ITGA2B: variants seen among roughly 807,000 people sequenced by gnomAD.
ITGA2B encodes the protein integrin alpha-IIb.
In ITGA2B, 91 loss-of-function variants were observed where a neutral mutation model predicts 142.0. That is an observed-to-expected ratio of 0.64 (90% CI 0.54 to 0.76). ITGA2B has a LOEUF of 0.76. ITGA2B is among the 30% of genes least tolerant of loss of function. The pLI is 0.00. For synonymous variants in ITGA2B, 536 were observed against 567.2 expected (o/e 0.94, Z 0.78); for missense variants, 1,231 against 1,350.8 (o/e 0.91, Z 1.39).
intron 18 of ITGA2B, 126 bp from the exon 19 acceptor site, chr17:44,378,836 A>C: frequency 1.2e-6 from 1 of 801,366 alleles, no homozygotes; most frequent in Non-Finnish European, 2.1e-6. Context: ...AGATCTGAGG[A>C]CGAAAAGGAG....
rs760338159 is a variant in ITGA2B at position 44,374,727 on chromosome 17, C to A, written c.2875G>T (p.Ala959Ser). 8.1e-6 allele frequency: 13 copies of A among 1,613,920 alleles called. No individual in the cohort carries two copies. The highest frequency in any genetic ancestry group is 1.0e-5 in the Non-Finnish European group (12 of 1,180,010). The change falls in exon 28 of 30, where the codon GCA becomes TCA. Residue 959 changes from alanine (A) to serine (S), a missense_variant. Physicochemically the swap from Ala to Ser is moderately conservative, Grantham distance 99. Coordinates refer to ENST00000262407, the MANE Select transcript of ITGA2B (RefSeq NM_000419.5). ...GGGAGGGAGGACACGTTGAACCATGCGTGCGACTGCAGCACAAACTGATCC... is the reference window on the plus strand; with the variant it reads ...GGGAGGGAGGACACGTTGAACCATGAGTGCGACTGCAGCACAAACTGATCC... ...PLDQFVLQSH[A>S]WFNVSSLPYA... is the part of the protein sequence containing the mutation.
At chr17:44,386,219 A>G in intron 1 of ITGA2B, 88 bp from the exon 2 acceptor site, 7 of 1,530,352 alleles carry the variant, frequency 4.6e-6, no homozygotes, top group Non-Finnish European at 6.1e-6. Flanking sequence ...CCGGAAGGCC[A>G]TGTGGCATGG....
chr17:44,375,152 A>C, intron 26 of ITGA2B, 41 bp from the exon 27 acceptor site: 1 of 1,494,874 alleles, frequency 6.7e-7, no homozygotes, highest in Non-Finnish European at 9.1e-7. Context: ...GTCCCGGCCC[A>C]TCACCCCATC....
At chr17:44,378,016 C>A (rs1187585062) in intron 20 of ITGA2B, among the ~76,000 whole-genome samples, 1 of 151,124 alleles carries the variant, frequency 6.6e-6, no homozygotes, top group South Asian at 2.1e-4. Context: ...TAGAGTATGA[C>A]CCCCATTATT....
chr17:44,383,125 G>C (rs930312743), intron 12 of ITGA2B, among the ~76,000 whole-genome samples: 1 of 151,984 alleles, frequency 6.6e-6, no homozygotes, highest in Admixed American at 6.6e-5. Flanking sequence ...CCTGCTGCAC[G>C]GCCTGAGTTC....
intron 7 of ITGA2B, 46 bp downstream of exon 7, chr17:44,384,902 G>T (rs2048630203): frequency 6.2e-7 from 1 of 1,613,070 alleles, no homozygotes; most frequent in South Asian, 1.1e-5. Flanking sequence ...CGTCTGCGGT[G>T]GGCGGTGACC....
At chr17:44,381,155 G>A in intron 12 of ITGA2B, 94 bp from the exon 13 acceptor site, 1 of 1,274,874 alleles carries the variant, frequency 7.8e-7, no homozygotes, top group East Asian at 2.5e-5. Flanking sequence ...AACATCCCAG[G>A]AGACTAGGAA....
Position 44,372,321 on chromosome 17 carries a change from T to G in ITGA2B, c.*43A>C, listed in dbSNP as rs1598374450. On this transcript the variant is annotated 3_prime_UTR_variant, in exon 30 of 30. Coordinates refer to ENST00000262407, the MANE Select transcript of ITGA2B (RefSeq NM_000419.5). ...CTTGTTGGAGAAGGGGCGGTGCAGG[T>G]AGCACGCCCAACCCTCCTGCTAGAA... 1 of 1,601,172 alleles carries G rather than the reference T, an allele frequency of 6.2e-7. No individual in the cohort carries two copies. Among genetic ancestry groups the G allele is most frequent in the Non-Finnish European group, 8.6e-7 (1 of 1,168,378 alleles).
In ITGA2B at chr17:44,376,903, G is replaced by C. The variant is rs556095280; in HGVS notation, c.2267+106C>G. 8.1e-4 allele frequency: 709 copies of C among 878,154 alleles called. 2 individuals are homozygous for C. The highest frequency in any genetic ancestry group is 2.0e-3 in the Admixed American group (98 of 50,056). The allele number at this position is 878,154 out of a possible 1,614,324, so 54.4% of individuals were successfully genotyped here. A position where few individuals can be genotyped will look rare whatever the true frequency, so the allele number is the denominator to read the frequency against. On this transcript the variant is annotated intron_variant, in intron 22 of 29. Transcript: ENST00000262407. Reference sequence around the variant, plus strand: ...GCTGGGATTACAGGTGTGAGCCACTGCGCCTGGCCTCGAAAGACCCTTCTG... The same window carrying C: ...GCTGGGATTACAGGTGTGAGCCACTCCGCCTGGCCTCGAAAGACCCTTCTG...
chr17:44,375,606 C>T lies in ITGA2B; in HGVS notation c.2712G>A (p.Gln904=). ...GCCTGCTCACTACGAGAACTGGATC[C>T]TGAAGCCTCGAGGGCTGCTCGGGCT... ...LPEPEQPSRL[Q]DPVLVSCDSA... is the part of the protein sequence containing the mutation. The change falls in exon 26 of 30, where the codon CAG becomes CAA. Residue 904 remains glutamine (Q), a synonymous_variant. Transcript: ENST00000262407. 1 of 1,614,092 alleles carries T rather than the reference C, an allele frequency of 6.2e-7. No homozygotes were observed. Among genetic ancestry groups the T allele is most frequent in the Non-Finnish European group, 8.5e-7 (1 of 1,180,014 alleles).
chr17:44,382,414 C>T (rs1042152602), intron 12 of ITGA2B, among the ~76,000 whole-genome samples: 1 of 152,084 alleles, frequency 6.6e-6, no homozygotes, highest in African/African-American at 2.4e-5. Flanking sequence ...TACCCCATTG[C>T]ATTCTGGCTT....
chr17:44,384,262 G>C, intron 9 of ITGA2B, 49 bp downstream of exon 9: 3 of 1,610,900 alleles, frequency 1.9e-6, no homozygotes, highest in Non-Finnish European at 2.5e-6. Context: ...TTGTCAGCCT[G>C]AGAACTGGGA....
At position 44,388,541 on chromosome 17, in the gene ITGA2B, C is replaced by T. The variant is rs553579534; in HGVS notation, c.188+745G>A. Among the ~76,000 whole-genome samples the T allele has an allele frequency of 6.2e-5, 9 of 144,924 alleles. No homozygotes were observed. In the South Asian group the frequency reaches 1.3e-3, roughly 22 times the overall value. On this transcript the variant is annotated intron_variant, in intron 1 of 29. Transcript: ENST00000262407. ...CCGGCTAATTTTTTTTTTTTTGAGA[C>T]GGAGTGTCACTCTGTCACCCAGGCT... is the stretch of plus-strand genomic sequence containing the variant.
At position 44,384,071 on chromosome 17, in the gene ITGA2B, G is replaced by A. The variant is rs2048621101; in HGVS notation, c.945+14C>T. 4 of 1,613,636 alleles carry A rather than the reference G, an allele frequency of 2.5e-6. No individual in the cohort carries two copies. In the East Asian group the frequency reaches 6.7e-5, roughly 27 times the overall value. ...CCCTCCACCCAGCCACGCCCACTGG[G>A]ACCTGGCCCCCACCTGCTCTCCGCG... On this transcript the variant is annotated intron_variant, in intron 10 of 29. Transcript: ENST00000262407.
intron 29 of ITGA2B, chr17:44,373,915 T>C (rs906938863): frequency 6.1e-5 from 6 of 97,978 alleles, no homozygotes; most frequent in Admixed American, 1.0e-4. Context: ...ATTTTTTTCT[T>C]TTTTTTTTGA....
chr17:44,375,708 C>T lies in ITGA2B; in HGVS notation c.2610G>A (p.Trp870Ter). ...QPPVNPLKVD[W>*]GLPIPSPSPI... ...GGGAGGGGCTGGGGATGGGCAGCCC[C>T]CAGTCCACCTGGGGGGGCAAAGGAG... The change falls in exon 26 of 30, where the codon TGG becomes TGA. Residue 870 changes from tryptophan (W) to a stop codon, truncating the protein, a stop_gained. Coordinates refer to ENST00000262407, the MANE Select transcript of ITGA2B (RefSeq NM_000419.5). LOFTEE classifies it high-confidence loss of function. The T allele has an allele frequency of 3.2e-6, 5 of 1,583,758 alleles. No homozygotes were observed. Among genetic ancestry groups the T allele is most frequent in the South Asian group, 1.1e-5 (1 of 87,504 alleles).
chr17:44,385,585 G>A lies in ITGA2B; in HGVS notation c.540C>T (p.Asn180=), dbSNP rs2048640206. Residue 180 remains asparagine, a synonymous_variant, in exon 4 of 30, where the codon AAC becomes AAT. Transcript: ENST00000262407. ...RRAEYSPCRG[N]TLSRIYVEND... ...TTTCCACGTAAATGCGGCTCAGGGT[G>A]TTCCCGCGACAGGGGGAGTACTCGG... is the stretch of plus-strand genomic sequence containing the variant. 1.9e-6 allele frequency: 3 copies of A among 1,607,514 alleles called. No individual in the cohort carries two copies. The highest frequency in any genetic ancestry group is 1.1e-5 in the South Asian group (1 of 90,712).
In ITGA2B at chr17:44,378,228, T is replaced by TA. The variant is rs562450711; in HGVS notation, c.2094+133dup. 7,192 of 1,105,620 alleles carry TA rather than the reference T, an allele frequency of 6.5e-3. 2 individuals carry two copies. Among genetic ancestry groups the TA allele is most frequent in the African/African-American group, 7.3e-3 (453 of 61,784 alleles). The allele number at this position is 1,105,620 out of a possible 1,614,324, so 68.5% of individuals were successfully genotyped here. ...ATTAGCAAGTATTCCTCCTCCAAAT[T>TA]AAAAAAAAAATAAAAAATTACATCT... On this transcript the variant is annotated intron_variant, in intron 20 of 29. Coordinates refer to ENST00000262407, the MANE Select transcript of ITGA2B (RefSeq NM_000419.5).
chr17:44,380,518 T>C (rs1426505395), intron 14 of ITGA2B, 28 bp from the exon 15 acceptor site: 1 of 1,613,868 alleles, frequency 6.2e-7, no homozygotes, highest in Middle Eastern at 1.6e-4. Flanking sequence ...TGGGGTAGGC[T>C]TGCCATTGTG....
Sources: allele counts gnomAD v4.1 joint callset (sites outside exome capture counted in the v4.1 genomes callset), GRCh38; gene constraint gnomAD v4.1.1; transcripts MANE v1.5; gene names NCBI Gene and HGNC (gene_info 2026-07-23, HGNC 2026-07-21).